Variants in ASTN1 observed in about 807,000 individuals in gnomAD.
ASTN1 encodes astrotactin 1, also known as astrotactin-1.
ASTN1 carries 41 observed loss-of-function variants against 140.7 expected under a neutral mutation model. That is an observed-to-expected ratio of 0.29 (90% CI 0.23 to 0.38). ASTN1 has a LOEUF of 0.38. Among genes scored for constraint, ASTN1 ranks in the 10% least tolerant of loss-of-function variants. The pLI is 1.00. For synonymous variants in ASTN1, 640 were observed against 652.2 expected, an observed-to-expected ratio of 0.98 and a Z score of 0.29; for missense variants, 1,479 against 1,678.8, an observed-to-expected ratio of 0.88 and a Z score of 2.08.
intron 8 of ASTN1, among the ~76,000 whole-genome samples, chr1:176,985,858 AC>A (rs1673876711): frequency 2.0e-5 from 3 of 146,658 alleles, no homozygotes; most frequent in South Asian, 2.2e-4. Flanking sequence ...ACACACACAC[AC>A]ACACACACAC....
At chr1:176,897,739 T>G (rs144572791) in intron 16 of ASTN1, among the ~76,000 whole-genome samples, 1,846 of 152,218 alleles carry the variant, frequency 0.012, 12 homozygotes, top group Non-Finnish European at 0.02. Context: ...GAGAAAAATA[T>G]AGAGGGGCAT....
chr1:177,012,060 A>G (rs1446598488), intron 8 of ASTN1, among the ~76,000 whole-genome samples: 1 of 152,224 alleles, frequency 6.6e-6, no homozygotes, highest in Non-Finnish European at 1.5e-5. Flanking sequence ...CCATTCACAC[A>G]TGGGCTGCTT....
At chr1:177,024,442 C>T in intron 6 of ASTN1, 141 bp downstream of exon 6, 1 of 1,084,578 alleles carries the variant, frequency 9.2e-7, no homozygotes, top group Non-Finnish European at 1.3e-6. Context: ...ACAATTGTAT[C>T]CTCATCCTTA....
At chr1:176,901,177 G>T (rs1333770297) in intron 16 of ASTN1, among the ~76,000 whole-genome samples, 1 of 152,290 alleles carries the variant, frequency 6.6e-6, no homozygotes, top group East Asian at 1.9e-4. Flanking sequence ...CTACTTTTGG[G>T]TGCAAATAGG....
intron 22 of ASTN1, among the ~76,000 whole-genome samples, chr1:176,866,608 A>G (rs926715793): frequency 1.3e-5 from 2 of 152,216 alleles, no homozygotes; most frequent in African/African-American, 2.4e-5. Context: ...AGAATGAATT[A>G]AATTAGTCCA....
intron 2 of ASTN1, among the ~76,000 whole-genome samples, chr1:177,053,318 A>T (rs1677631123): frequency 6.6e-6 from 1 of 152,200 alleles, no homozygotes. Context: ...TTGGCCTCTT[A>T]GCTATTTTTC....
intron 2 of ASTN1, among the ~76,000 whole-genome samples, chr1:177,034,694 T>C (rs561617656): frequency 6.0e-5 from 9 of 150,386 alleles, no homozygotes; most frequent in Admixed American, 4.0e-4. Context: ...CAACCTGACA[T>C]TTTTTTTTAG....
Position 176,862,967 on chromosome 1 carries a change from A to G in ASTN1, c.*1317T>C. The G allele has an allele frequency of 3.0e-6, 3 of 985,422 alleles. No homozygotes were observed. Among genetic ancestry groups the G allele is most frequent in the Non-Finnish European group, 3.6e-6 (3 of 829,932 alleles). The allele number at this position is 985,422 out of a possible 1,614,324, so 61.0% of individuals were successfully genotyped here. On this transcript the variant is annotated 3_prime_UTR_variant, in exon 23 of 23. Transcript: ENST00000361833. ...CTGAAGGTGTGTGTTCAGGCCACTG[A>G]GTTGTGTGGGACAGCTAAGGCCATT... is the stretch of plus-strand genomic sequence containing the variant.
intron 1 of ASTN1, among the ~76,000 whole-genome samples, chr1:177,158,354 A>G (rs1683330820): frequency 6.6e-6 from 1 of 152,226 alleles, no homozygotes; most frequent in South Asian, 2.1e-4. Context: ...AAGCTATTGA[A>G]ATAATTTTTT....
At chr1:176,873,861 T>G (rs1668455171) in intron 21 of ASTN1, among the ~76,000 whole-genome samples, 1 of 152,088 alleles carries the variant, frequency 6.6e-6, no homozygotes, top group Non-Finnish European at 1.5e-5. Flanking sequence ...GAGCACATCT[T>G]GATGTACTCT....
intron 21 of ASTN1, 115 bp from the exon 22 acceptor site, chr1:176,869,142 G>A: frequency 1.5e-6 from 1 of 663,858 alleles, no homozygotes; most frequent in Non-Finnish European, 2.2e-6. Context: ...AACATATGTA[G>A]ATCATTTATA....
chr1:177,148,522 A>ATTCTGGGTATTCTTGGGCAGG (rs1682821541), intron 1 of ASTN1, among the ~76,000 whole-genome samples: 1 of 152,112 alleles, frequency 6.6e-6, no homozygotes, highest in Non-Finnish European at 1.5e-5. Context: ...CTTGCTAAGA[A>ATTCTGGGTATTCTTGGGCAGG]TTCTGGGTAT....
At chr1:177,085,612 A>G (rs945226993) in intron 1 of ASTN1, among the ~76,000 whole-genome samples, 2 of 152,172 alleles carry the variant, frequency 1.3e-5, no homozygotes. Flanking sequence ...AGTGAACCTC[A>G]GATCTCTCAC....
chr1:177,064,852 T>C (rs1342189681), intron 1 of ASTN1, among the ~76,000 whole-genome samples: 1 of 152,234 alleles, frequency 6.6e-6, no homozygotes, highest in Non-Finnish European at 1.5e-5. Context: ...TATTTATGTA[T>C]GCTACATCTG....
In ASTN1 at chr1:176,957,635, C is replaced by T. The variant is rs1232870126; in HGVS notation, c.1887+43G>A. The T allele has an allele frequency of 1.9e-6, 3 of 1,605,620 alleles. No individual in the cohort carries two copies. In the East Asian group the frequency reaches 6.7e-5, roughly 36 times the overall value. Reference sequence around the variant, plus strand: ...TGTGTCTTCCCCCGTGCCTTTCCTCCCCATCCTCAAACAGAAACTACTAGC... The same window carrying T: ...TGTGTCTTCCCCCGTGCCTTTCCTCTCCATCCTCAAACAGAAACTACTAGC... On this transcript the variant is annotated intron_variant, in intron 11 of 22. Coordinates refer to ENST00000361833, the MANE Select transcript of ASTN1 (RefSeq NM_004319.3).
intron 16 of ASTN1, among the ~76,000 whole-genome samples, chr1:176,920,043 A>G (rs1670664216): frequency 6.6e-6 from 1 of 152,224 alleles, no homozygotes; most frequent in Admixed American, 6.5e-5. Context: ...TTAATAGGCA[A>G]AAGCAAAAAC....
At chr1:177,150,569 G>A (rs953996503) in intron 1 of ASTN1, among the ~76,000 whole-genome samples, 2 of 152,090 alleles carry the variant, frequency 1.3e-5, no homozygotes. Flanking sequence ...GAATTTCCAA[G>A]GACCAATTAT....
chr1:177,058,569 C>T (rs1677922136), intron 2 of ASTN1, among the ~76,000 whole-genome samples: 1 of 152,086 alleles, frequency 6.6e-6, no homozygotes, highest in African/African-American at 2.4e-5. Context: ...CTAATTCTTG[C>T]TCAGGGGATC....
At chr1:176,887,305 A>G (rs949971856) in intron 18 of ASTN1, among the ~76,000 whole-genome samples, 1 of 152,124 alleles carries the variant, frequency 6.6e-6, no homozygotes, top group Non-Finnish European at 1.5e-5. Context: ...GGCAAGCCCA[A>G]ATGAAACTGG....
Sources: allele counts gnomAD v4.1 joint callset (sites outside exome capture counted in the v4.1 genomes callset), GRCh38; gene constraint gnomAD v4.1.1; transcripts MANE v1.5; gene names NCBI Gene and HGNC (gene_info 2026-07-23, HGNC 2026-07-21).